Variants in PITRM1 observed in about 807,000 individuals in gnomAD.
PITRM1 encodes pitrilysin metallopeptidase 1.
A neutral mutation model predicts 129.9 loss-of-function variants in PITRM1; 100 were observed. That is an observed-to-expected ratio of 0.77 (90% CI 0.65 to 0.91). PITRM1 has a LOEUF of 0.91. Ranked by LOEUF, PITRM1 falls within the 40% of genes least tolerant of loss-of-function variation. The pLI is 0.00. For synonymous variants in PITRM1, 591 were observed against 508.8 expected, an observed-to-expected ratio of 1.16 and a Z score of -2.17; for missense variants, 1,471 against 1,318.3, an observed-to-expected ratio of 1.12 and a Z score of -1.79.
At chr10:3,166,613 A>G (rs1842887823) in intron 3 of PITRM1, among the ~76,000 whole-genome samples, 1 of 152,244 alleles carries the variant, frequency 6.6e-6, no homozygotes. Context: ...CTCTGTCAAT[A>G]AAAATACTAG....
chr10:3,138,029 G>C lies in PITRM1; in HGVS notation c.*2C>G. The C allele has an allele frequency of 6.3e-7, 1 of 1,589,006 alleles. No homozygotes were observed. Among genetic ancestry groups the C allele is most frequent in the East Asian group, 2.3e-5 (1 of 44,402 alleles). On this transcript the variant is annotated 3_prime_UTR_variant, in exon 27 of 27. Transcript: ENST00000224949. ...TCCTGTGCAGTCGAGCGCCACGGCT[G>C]CTCATTGGATGATCCAGGATGGGTC...
At chr10:3,159,747 T>C (rs1343820240) in intron 9 of PITRM1, 101 bp downstream of exon 9, 5 of 689,734 alleles carry the variant, frequency 7.2e-6, no homozygotes, top group Admixed American at 2.4e-5. Context: ...CCTAACCGTA[T>C]ATTAATTAAC....
intron 21 of PITRM1, chr10:3,144,898 T>C (rs1253124669): frequency 6.6e-6 from 1 of 152,520 alleles, no homozygotes; most frequent in African/African-American, 2.4e-5. Context: ...AAAGGTAGCC[T>C]TGTTATATGG....
At chr10:3,162,554 T>C (rs912455355) in intron 7 of PITRM1, among the ~76,000 whole-genome samples, 6 of 152,204 alleles carry the variant, frequency 3.9e-5, no homozygotes, top group Non-Finnish European at 7.3e-5. Flanking sequence ...ACTCTCAGCA[T>C]GGACCCCGCT....
At chr10:3,165,645 G>C in intron 4 of PITRM1, 118 bp from the exon 5 acceptor site, 2 of 675,938 alleles carry the variant, frequency 3.0e-6, no homozygotes, top group Non-Finnish European at 5.1e-6. Context: ...TTCTTGGGAT[G>C]GGGCAGTGGC....
chr10:3,155,508 G>A, intron 14 of PITRM1, 83 bp downstream of exon 14: 1 of 1,536,480 alleles, frequency 6.5e-7, no homozygotes, highest in African/African-American at 1.4e-5. Flanking sequence ...AATAATACCT[G>A]CCTCCAACTA....
intron 23 of PITRM1, chr10:3,141,889 A>G (rs1840263403): frequency 4.4e-6 from 1 of 225,746 alleles, no homozygotes; most frequent in South Asian, 4.6e-5. Context: ...GGGCGCCGTC[A>G]GCCGGGACTA....
At chr10:3,140,113 G>A (rs1489686707) in intron 24 of PITRM1, among the ~76,000 whole-genome samples, 2 of 152,168 alleles carry the variant, frequency 1.3e-5, no homozygotes, top group East Asian at 3.9e-4. Context: ...TAGATTAGGT[G>A]CAGCAAGATA....
Position 3,147,978 on chromosome 10 carries a change from TAA to T in PITRM1, c.2069+7_2069+8del, listed in dbSNP as rs1841080497. On this transcript the variant is annotated splice_region_variant and intron_variant, in intron 18 of 26. Transcript: ENST00000224949. ...CCCAAGAATGGACAACTCTTGCAAA[TAA>T]AGTTACTTGTTAAATATTTCACTCC... 2 of 1,600,814 alleles carry T rather than the reference TAA, an allele frequency of 1.2e-6. No individual in the cohort carries two copies. Among genetic ancestry groups the T allele is most frequent in the South Asian group, 1.1e-5 (1 of 90,840 alleles).
At chr10:3,152,897 T>C (rs1841644937) in intron 14 of PITRM1, among the ~76,000 whole-genome samples, 1 of 151,630 alleles carries the variant, frequency 6.6e-6, no homozygotes, top group South Asian at 2.1e-4. Context: ...CACTTTCTCT[T>C]CTCTGTTTTC....
chr10:3,167,176 T>C, intron 2 of PITRM1, 134 bp from the exon 3 acceptor site: 1 of 609,218 alleles, frequency 1.6e-6, no homozygotes, highest in East Asian at 2.8e-5. Context: ...ATTTCAGAGC[T>C]GGAGAGAAGA....
chr10:3,140,804 A>AT lies in PITRM1; in HGVS notation c.2653dup (p.Ile885AsnfsTer59). On this transcript the variant is annotated frameshift_variant, in exon 24 of 27. Coordinates refer to ENST00000224949, the MANE Select transcript of PITRM1 (RefSeq NM_014889.4). LOFTEE classifies it high-confidence loss of function. ...TTTGGCAGTCATCAAACGTGCAAGG[A>AT]TTTTAAGACTGAAATGATTAAAAAA... 1 of 1,581,632 alleles carries AT rather than the reference A, an allele frequency of 6.3e-7. No homozygotes were observed. The highest frequency in any genetic ancestry group is 8.6e-7 in the Non-Finnish European group (1 of 1,162,092).
chr10:3,145,392 C>T (rs1412327300), intron 21 of PITRM1: 2 of 574,788 alleles, frequency 3.5e-6, no homozygotes, highest in East Asian at 2.9e-5. Context: ...TAAGGCCACA[C>T]CGCAGGGTCT....
At chr10:3,141,218 G>C (rs1840164424) in intron 23 of PITRM1, among the ~76,000 whole-genome samples, 1 of 152,194 alleles carries the variant, frequency 6.6e-6, no homozygotes, top group Non-Finnish European at 1.5e-5. Flanking sequence ...ACAGGCATGA[G>C]ATTTTCTTTT....
chr10:3,145,672 T>G lies in PITRM1; in HGVS notation c.2381A>C (p.Lys794Thr), dbSNP rs1416993022. The G allele has an allele frequency of 6.4e-7, 1 of 1,551,396 alleles. No individual in the cohort carries two copies. The highest frequency in any genetic ancestry group is 8.7e-7 in the Non-Finnish European group (1 of 1,147,146). ...GCTTCTAAGGAAGTCTTCGACCGCT[T>G]TTTCTGTCTGAGGCATCTGCTGAGG... Reference protein sequence around the residue: ...ATPQQMPQTEKAVEDFLRSIG... With the variant: ...ATPQQMPQTETAVEDFLRSIG... Residue 794 changes from lysine to threonine, a missense_variant, in exon 21 of 27, where the codon AAA becomes ACA. Coordinates refer to ENST00000224949, the MANE Select transcript of PITRM1 (RefSeq NM_014889.4).
chr10:3,171,558 A>G (rs143874419), intron 1 of PITRM1, among the ~76,000 whole-genome samples: 1,966 of 152,258 alleles, frequency 0.013, 53 homozygotes, highest in African/African-American at 0.046. Context: ...ATTCTGTCTC[A>G]GCCTCCTGAG....
At position 3,167,022 on chromosome 10, in the gene PITRM1, C is replaced by A. The variant is rs948619889; in HGVS notation, c.180G>T (p.Leu60=). ...GGGTGAGCTTCACTGCAGTCAGGAACAGCTCGGGAACAGATGTCACCTGAG... is the reference window on the plus strand; with the variant it reads ...GGGTGAGCTTCACTGCAGTCAGGAAAAGCTCGGGAACAGATGTCACCTGAG... ...TVNQVTSVPE[L]FLTAVKLTHD... The change falls in exon 3 of 27, where the codon CTG becomes CTT. Residue 60 remains leucine, a synonymous_variant. Coordinates refer to ENST00000224949, the MANE Select transcript of PITRM1 (RefSeq NM_014889.4). 2 of 1,607,558 alleles carry A rather than the reference C, an allele frequency of 1.2e-6. No homozygotes were observed. The highest frequency in any genetic ancestry group is 1.1e-5 in the South Asian group (1 of 89,768).
At chr10:3,165,210 C>T in intron 6 of PITRM1, 28 bp downstream of exon 6, 4 of 1,462,472 alleles carry the variant, frequency 2.7e-6, no homozygotes, top group Non-Finnish European at 3.7e-6. Flanking sequence ...GTAAGCTGAA[C>T]ACAACATAAA....
chr10:3,159,575 G>A (rs1390571330), intron 9 of PITRM1, among the ~76,000 whole-genome samples: 1 of 152,218 alleles, frequency 6.6e-6, no homozygotes, highest in African/African-American at 2.4e-5. Flanking sequence ...GCTGGTCTGA[G>A]GCAGTCTTTT....
Sources: gnomAD v4.1 joint callset for allele counts (sites outside exome capture counted in the v4.1 genomes callset) on GRCh38, gnomAD v4.1.1 for gene constraint, MANE v1.5 for transcripts, NCBI Gene and HGNC (gene_info 2026-07-23, HGNC 2026-07-21) for gene names.